Variants in VPS50 observed in about 807,000 individuals in gnomAD.
VPS50 encodes syndetin.
Under a neutral mutation model 139.7 loss-of-function variants are expected in VPS50, and 70 were observed. That is an observed-to-expected ratio of 0.50 (90% confidence interval 0.41 to 0.61). The LOEUF (loss-of-function observed/expected upper bound fraction) is 0.61, where lower values mean the gene tolerates loss of function less well. Ranked by LOEUF, VPS50 falls within the 20% of genes least tolerant of loss-of-function variation. VPS50 has a pLI of 0.00. For missense variants in VPS50, 921 were observed against 1,133.7 expected (o/e 0.81, Z 2.69); for synonymous variants, 365 against 376.7 (o/e 0.97, Z 0.36).
rs371791913 is a variant in VPS50 at position 93,348,842 on chromosome 7, A to G, written c.2304+35A>G. The G allele has an allele frequency of 1.6e-5, 22 of 1,335,770 alleles. No individual in the cohort carries two copies. The African/African-American group carries it at 3.2e-4, about 19-fold the overall frequency. 82.7% of individuals were successfully genotyped at this position (1,335,770 alleles called of 1,614,324 possible). A position where few individuals can be genotyped will look rare whatever the true frequency, so the allele number is the denominator to read the frequency against. On this transcript the variant is annotated intron_variant, in intron 24 of 27. Coordinates refer to ENST00000305866, the MANE Select transcript of VPS50 (RefSeq NM_017667.4). The stretch of plus-strand genomic sequence containing the variant: ...GGTCTTGTATGTCATTTCAACTGTG[A>G]GGAAGATAGGACTGTCACAGATTAT...
chr7:93,314,896 G>C (rs1797379884), intron 20 of VPS50, among the ~76,000 whole-genome samples: 1 of 151,968 alleles, frequency 6.6e-6, no homozygotes, highest in South Asian at 2.1e-4. Flanking sequence ...CAGCAGTTTA[G>C]TTTGCTGGCA....
intron 20 of VPS50, chr7:93,323,198 C>T (rs144304969): frequency 1.3e-5 from 2 of 151,908 alleles, no homozygotes; most frequent in South Asian, 2.1e-4. Flanking sequence ...ATTTTATTTT[C>T]CTCTATTAAA....
In VPS50 at chr7:93,252,690, C is replaced by A; in HGVS notation, c.140C>A (p.Pro47His). The A allele has an allele frequency of 6.2e-7, 1 of 1,603,410 alleles. No individual in the cohort carries two copies. Among genetic ancestry groups the A allele is most frequent in the South Asian group, 1.1e-5 (1 of 89,988 alleles). Residue 47 changes from proline (P) to histidine (H), a missense_variant, in exon 3 of 28, where the codon CCT becomes CAT. Transcript: ENST00000305866. The stretch of plus-strand genomic sequence containing the variant: ...GAACTTCGAGAACAGCCAAGTGACC[C>A]TCAAGCTGAACAAGAGCTTATTAAT... ...FRELREQPSDPQAEQELINSI... is the reference protein window; with the variant it reads ...FRELREQPSDHQAEQELINSI...
chr7:93,316,095 T>C (rs1360670640), intron 20 of VPS50, among the ~76,000 whole-genome samples: 1 of 152,176 alleles, frequency 6.6e-6, no homozygotes, highest in African/African-American at 2.4e-5. Context: ...CTAATTGAGT[T>C]TGAAAGATGA....
At chr7:93,302,288 T>G (rs972418378) in intron 16 of VPS50, among the ~76,000 whole-genome samples, 1 of 152,050 alleles carries the variant, frequency 6.6e-6, no homozygotes, top group African/African-American at 2.4e-5. Context: ...TCTATCCAAT[T>G]GCCTGCATAA....
intron 23 of VPS50, among the ~76,000 whole-genome samples, chr7:93,342,066 C>T (rs569738568): frequency 1.2e-4 from 18 of 152,290 alleles, no homozygotes; most frequent in South Asian, 2.1e-4. Flanking sequence ...TCTGAGGTAC[C>T]GGGTTCATCT....
Position 93,253,913 on chromosome 7 carries a change from G to A in VPS50, c.279G>A (p.Leu93=). The A allele has an allele frequency of 6.3e-7, 1 of 1,589,752 alleles. No homozygotes were observed. The part of the protein sequence containing the change: ...LQELEAYRDK[L]KQQQAAVSKK... ...AATTAGAGGCGTATAGAGACAAATT[G>A]AAACAACAGCAAGCTGCAGTAAGTA... is the stretch of plus-strand genomic sequence containing the variant. The change falls in exon 4 of 28, where the codon TTG becomes TTA. Residue 93 remains leucine, a synonymous_variant. Coordinates refer to ENST00000305866, the MANE Select transcript of VPS50 (RefSeq NM_017667.4).
chr7:93,264,469 C>T (rs1795779931), intron 9 of VPS50, among the ~76,000 whole-genome samples: 1 of 152,142 alleles, frequency 6.6e-6, no homozygotes. Context: ...TATTGTATTT[C>T]ATTTGAAAGA....
chr7:93,296,610 A>T (rs1168007432), intron 14 of VPS50, 132 bp from the exon 15 acceptor site: 12 of 1,450,490 alleles, frequency 8.3e-6, no homozygotes, highest in African/African-American at 1.5e-5. Flanking sequence ...CTATTGGCCT[A>T]AATAGATATT....
chr7:93,333,457 T>C (rs1284702442), intron 21 of VPS50, among the ~76,000 whole-genome samples: 2 of 152,188 alleles, frequency 1.3e-5, no homozygotes, highest in Non-Finnish European at 2.9e-5. Flanking sequence ...CCAAATGCCT[T>C]TAACTATGTA....
rs138379525 is a variant in VPS50 at position 93,266,028 on chromosome 7, G to A, written c.660-5192G>A. Among the ~76,000 whole-genome samples, 1,347 of 152,250 alleles carry A rather than the reference G, an allele frequency of 8.8e-3. 11 individuals carry two copies. The highest frequency in any genetic ancestry group is 0.014 in the Non-Finnish European group (976 of 68,008). On this transcript the variant is annotated intron_variant, in intron 9 of 27. Coordinates refer to ENST00000305866, the MANE Select transcript of VPS50 (RefSeq NM_017667.4). ...CTTAAGAGTTGTTGGTTTAACTTTA[G>A]AATGTTGAAAAATCAGTTTCTCTGA...
At chr7:93,239,003 T>G (rs1474717153) in intron 1 of VPS50, among the ~76,000 whole-genome samples, 1 of 152,156 alleles carries the variant, frequency 6.6e-6, no homozygotes, top group African/African-American at 2.4e-5. Flanking sequence ...CTCTGTAGTT[T>G]AAAGATAAGC....
chr7:93,268,850 G>T (rs146653440), intron 9 of VPS50, among the ~76,000 whole-genome samples: 214 of 152,236 alleles, frequency 1.4e-3, no homozygotes, highest in Non-Finnish European at 2.7e-3. Context: ...ATAACAGAAT[G>T]ATTTATATTC....
intron 26 of VPS50, among the ~76,000 whole-genome samples, chr7:93,354,574 C>T (rs1009486172): frequency 2.0e-5 from 3 of 152,036 alleles, no homozygotes; most frequent in Middle Eastern, 3.2e-3. Flanking sequence ...GGATTACAGG[C>T]GTGAGCCACC....
At chr7:93,341,251 T>C (rs1442132284) in intron 22 of VPS50, among the ~76,000 whole-genome samples, 176 bp from the exon 23 acceptor site, 2 of 152,144 alleles carry the variant, frequency 1.3e-5, no homozygotes, top group Admixed American at 1.3e-4. Flanking sequence ...TCATTTAGGA[T>C]TAAAAAGAAG....
chr7:93,358,528 T>C lies in VPS50; in HGVS notation c.*92T>C. ...TTTTTATGCACTTCTGACAACTATC[T>C]GCTAAGAAAACTTTGTGCATGTTTT... On this transcript the variant is annotated 3_prime_UTR_variant, in exon 28 of 28. Transcript: ENST00000305866. 9.7e-7 allele frequency: 1 copy of C among 1,034,848 alleles called. No homozygotes were observed. Among genetic ancestry groups the C allele is most frequent in the Non-Finnish European group, 1.4e-6 (1 of 694,806 alleles). 64.1% of individuals were successfully genotyped at this position (1,034,848 alleles called of 1,614,324 possible).
At chr7:93,331,367 T>A (rs531307526) in intron 21 of VPS50, among the ~76,000 whole-genome samples, 13 of 152,138 alleles carry the variant, frequency 8.5e-5, no homozygotes, top group Non-Finnish European at 1.5e-4. Context: ...AAAGACTTAC[T>A]CCAGAGCTAC....
intron 21 of VPS50, among the ~76,000 whole-genome samples, chr7:93,325,990 A>T (rs1040739918): frequency 6.6e-6 from 1 of 151,936 alleles, no homozygotes; most frequent in Non-Finnish European, 1.5e-5. Flanking sequence ...ATAAAGACAC[A>T]TGCACACGTA....
chr7:93,321,654 A>G (rs1441195557), intron 20 of VPS50, among the ~76,000 whole-genome samples: 2 of 152,098 alleles, frequency 1.3e-5, no homozygotes, highest in Admixed American at 6.6e-5. Context: ...AGGAACAGCT[A>G]TTTTTTTCTT....
Sources: gnomAD v4.1 joint callset for allele counts (sites outside exome capture counted in the v4.1 genomes callset) on GRCh38, gnomAD v4.1.1 for gene constraint, MANE v1.5 for transcripts, NCBI Gene and HGNC (gene_info 2026-07-23, HGNC 2026-07-21) for gene names.